RIMS2: variants seen among roughly 807,000 people sequenced by gnomAD.
RIMS2 encodes the protein regulating synaptic membrane exocytosis 2.
RIMS2 carries 59 observed loss-of-function variants against 174.4 expected under a neutral mutation model. That is an observed-to-expected ratio of 0.34 (90% confidence interval 0.27 to 0.42). RIMS2 has a LOEUF of 0.42. Among genes scored for constraint, RIMS2 ranks in the 10% least tolerant of loss-of-function variants. The pLI is 1.00. For synonymous variants in RIMS2, 606 were observed against 572.5 expected, an observed-to-expected ratio of 1.06 and a Z score of -0.84; for missense variants, 1,620 against 1,666.3, an observed-to-expected ratio of 0.97 and a Z score of 0.48.
At chr8:103,923,967 T>TC (rs1416829780) in intron 10 of RIMS2, among the ~76,000 whole-genome samples, 1 of 151,704 alleles carries the variant, frequency 6.6e-6, no homozygotes, top group African/African-American at 2.4e-5. Context: ...CCTTAAAAAT[T>TC]CCTCTTAAAA....
chr8:103,750,434 C>T (rs1324702564), intron 2 of RIMS2, among the ~76,000 whole-genome samples: 2 of 152,056 alleles, frequency 1.3e-5, no homozygotes, highest in African/African-American at 4.8e-5. Context: ...TAAGTCATTT[C>T]ATTTTAAAAT....
intron 19 of RIMS2, among the ~76,000 whole-genome samples, chr8:104,058,888 G>C (rs1479771166): frequency 6.6e-6 from 1 of 152,110 alleles, no homozygotes; most frequent in Non-Finnish European, 1.5e-5. Context: ...TAGATATGCG[G>C]CGTTATTTCT....
At chr8:103,570,996 G>A (rs951147764) in intron 1 of RIMS2, among the ~76,000 whole-genome samples, 2 of 152,050 alleles carry the variant, frequency 1.3e-5, no homozygotes, top group South Asian at 4.2e-4. Flanking sequence ...GACTGTTCTT[G>A]TACTGTCCTA....
intron 19 of RIMS2, among the ~76,000 whole-genome samples, chr8:104,147,891 C>A (rs920055609): frequency 1.3e-5 from 2 of 152,190 alleles, no homozygotes; most frequent in African/African-American, 2.4e-5. Context: ...AGCTCACATG[C>A]CTCAGTGATT....
chr8:103,807,397 A>G (rs1300672752), intron 3 of RIMS2, among the ~76,000 whole-genome samples: 1 of 152,182 alleles, frequency 6.6e-6, no homozygotes, highest in South Asian at 2.1e-4. Context: ...AACAATCTCA[A>G]TAGAACATTA....
intron 16 of RIMS2, among the ~76,000 whole-genome samples, chr8:103,984,532 T>A (rs1049506625): frequency 6.6e-6 from 1 of 152,150 alleles, no homozygotes; most frequent in African/African-American, 2.4e-5. Flanking sequence ...CAAAATGGCT[T>A]ATATCCTAAA....
chr8:104,160,440 A>G (rs1258267050), intron 19 of RIMS2, among the ~76,000 whole-genome samples: 2 of 152,210 alleles, frequency 1.3e-5, no homozygotes, highest in Non-Finnish European at 2.9e-5. Flanking sequence ...GAAGCTATAA[A>G]TGATCATATG....
At chr8:103,526,957 A>G (rs887541612) in intron 1 of RIMS2, among the ~76,000 whole-genome samples, 1 of 152,234 alleles carries the variant, frequency 6.6e-6, no homozygotes, top group Non-Finnish European at 1.5e-5. Context: ...ATAGCTAGGC[A>G]TATCACAATA....
intron 19 of RIMS2, among the ~76,000 whole-genome samples, chr8:104,054,892 A>G (rs1375171783): frequency 6.6e-6 from 1 of 152,142 alleles, no homozygotes; most frequent in Non-Finnish European, 1.5e-5. Flanking sequence ...ATTTTATAAC[A>G]TCATTGAAAA....
chr8:103,867,403 T>G (rs546710045), intron 3 of RIMS2, among the ~76,000 whole-genome samples: 1 of 151,922 alleles, frequency 6.6e-6, no homozygotes, highest in South Asian at 2.1e-4. Context: ...AAATCTATTC[T>G]GAAAACATAA....
At chr8:103,969,949 C>T (rs2092673700) in intron 15 of RIMS2, among the ~76,000 whole-genome samples, 1 of 152,074 alleles carries the variant, frequency 6.6e-6, no homozygotes, top group Admixed American at 6.6e-5. Context: ...AGGTTTTCTC[C>T]ATGTTTCCCA....
At chr8:103,579,720 T>C (rs1478863889) in intron 1 of RIMS2, among the ~76,000 whole-genome samples, 1 of 152,202 alleles carries the variant, frequency 6.6e-6, no homozygotes, top group Non-Finnish European at 1.5e-5. Flanking sequence ...AAGCGTTGCT[T>C]AACCACTGTA....
rs1441549488 is a variant in RIMS2 at position 103,639,451 on chromosome 8, T to C, written c.177-57635T>C. Among the ~76,000 whole-genome samples, 3 of 151,890 alleles carry C rather than the reference T, an allele frequency of 2.0e-5. No homozygotes were observed. The South Asian group carries it at 6.2e-4, about 31-fold the overall frequency. On this transcript the variant is annotated intron_variant, in intron 1 of 23. Transcript: ENST00000504942. ...TTCCTTGTGTGACTTTTGTAGTTAA[T>C]ACTTCCCTCTTTCATTGACCAGTTA...
rs79255134 is a variant in RIMS2 at position 103,982,723 on chromosome 8, A to G, written c.2928-6582A>G. Among the ~76,000 whole-genome samples, 419 of 152,278 alleles carry G rather than the reference A, an allele frequency of 2.8e-3. 1 individual carries two copies. The highest frequency in any genetic ancestry group is 9.8e-3 in the African/African-American group (407 of 41,552). On this transcript the variant is annotated intron_variant, in intron 16 of 23. Coordinates refer to ENST00000504942, the Ensembl canonical transcript of RIMS2. ...TATCCCTTCAAGATAAAAACCCTCA[A>G]AAAACTGGGGATGCAAGGAACATAC... is the stretch of plus-strand genomic sequence containing the variant.
chr8:104,022,786 T>TAC (rs1438714645), intron 19 of RIMS2, among the ~76,000 whole-genome samples: 6 of 152,208 alleles, frequency 3.9e-5, no homozygotes, highest in Non-Finnish European at 7.3e-5. Flanking sequence ...TTTGTTTTTA[T>TAC]ACACACACTT....
chr8:103,724,221 C>G (rs1241290493), intron 2 of RIMS2, among the ~76,000 whole-genome samples: 2 of 152,052 alleles, frequency 1.3e-5, no homozygotes, highest in Non-Finnish European at 2.9e-5. Context: ...TTCCTTAGCT[C>G]TTGTGAGTGT....
chr8:103,694,308 A>G (rs2137177549), intron 1 of RIMS2, among the ~76,000 whole-genome samples: 1 of 152,258 alleles, frequency 6.6e-6, no homozygotes, highest in South Asian at 2.1e-4. Flanking sequence ...TGAAACCTGA[A>G]GGAAGCCTGG....
Position 103,581,572 on chromosome 8 carries a change from G to A in RIMS2, c.176+80510G>A, listed in dbSNP as rs370202546. Among the ~76,000 whole-genome samples the A allele has an allele frequency of 1.2e-4, 19 of 152,314 alleles. No homozygotes were observed. In the East Asian group the frequency reaches 1.3e-3, roughly 11 times the overall value. ...TTATTTAAGATGCGGAACAAGACAA[G>A]GATGCCTGCTTTCACCACTTTTAAT... On this transcript the variant is annotated intron_variant, in intron 1 of 23. Transcript: ENST00000504942.
At chr8:103,914,265 C>T (rs866709507) in intron 6 of RIMS2, among the ~76,000 whole-genome samples, 1 of 152,018 alleles carries the variant, frequency 6.6e-6, no homozygotes, top group African/African-American at 2.4e-5. Flanking sequence ...TCCAGATATG[C>T]CTATTATAGT....
Sources: gnomAD v4.1 joint callset for allele counts (sites outside exome capture counted in the v4.1 genomes callset) on GRCh38, gnomAD v4.1.1 for gene constraint, MANE v1.5 for transcripts, NCBI Gene and HGNC (gene_info 2026-07-23, HGNC 2026-07-21) for gene names.